GCNT4: variants seen among roughly 807,000 people sequenced by gnomAD.
GCNT4 encodes the protein glucosaminyl (N-acetyl) transferase 4.
GCNT4 carries 17 observed loss-of-function variants against 31.3 expected under a neutral mutation model. The ratio of observed to expected loss-of-function variants is 0.54; its 90% confidence interval spans 0.37 to 0.81. The LOEUF (loss-of-function observed/expected upper bound fraction) is 0.81, where lower values mean the gene tolerates loss of function less well. GCNT4 is among the 40% of genes least tolerant of loss of function. The pLI is 0.00. For synonymous variants in GCNT4, 158 were observed against 190.6 expected (o/e 0.83, Z 1.41); for missense variants, 503 against 525.5 (o/e 0.96, Z 0.42).
rs1743009223 is a variant in GCNT4 at position 75,029,210 on chromosome 5, A to G, written c.828T>C (p.Tyr276=). Reference sequence around the variant, plus strand: ...TCCTTATTGGTAGCTTCACATATTCATAAGGCACCCGTCTAAGTTCATGAT... The same window carrying G: ...TCCTTATTGGTAGCTTCACATATTCGTAAGGCACCCGTCTAAGTTCATGAT... The part of the protein sequence containing the change: ...TYHHELRRVP[Y]EYVKLPIRTN... The change falls in exon 4 of 4, where the codon TAT becomes TAC. Residue 276 remains tyrosine, a synonymous_variant. Transcript: ENST00000652361. 1.9e-6 allele frequency: 3 copies of G among 1,614,046 alleles called. No individual in the cohort carries two copies. In the Admixed American group the frequency reaches 5.0e-5, roughly 27 times the overall value.
At chr5:75,035,766 C>T (rs1389621605) in intron 3 of GCNT4, among the ~76,000 whole-genome samples, 1 of 152,194 alleles carries the variant, frequency 6.6e-6, no homozygotes, top group Non-Finnish European at 1.5e-5. Flanking sequence ...GCCATCTTTG[C>T]TGTTTTGCAA....
At chr5:75,035,705 C>G (rs188556693) in intron 3 of GCNT4, among the ~76,000 whole-genome samples, 225 of 152,324 alleles carry the variant, frequency 1.5e-3, no homozygotes, top group African/African-American at 5.1e-3. Flanking sequence ...TTCTGACTGA[C>G]AGAGGTTTCA....
At chr5:75,032,872 G>GGTGGGTGGGTGGGTGT (rs55942109) in intron 3 of GCNT4, among the ~76,000 whole-genome samples, 1 of 130,646 alleles carries the variant, frequency 7.7e-6, no homozygotes, top group Non-Finnish European at 1.7e-5. Flanking sequence ...CCCAAATAGG[G>GGTGGGTGGGTGGGTGT]GTGTGTGTGT....
chr5:75,046,261 T>C (rs1743435711), intron 3 of GCNT4, among the ~76,000 whole-genome samples: 1 of 152,194 alleles, frequency 6.6e-6, no homozygotes, highest in Non-Finnish European at 1.5e-5. Context: ...AGAAGGAACC[T>C]GGTAGAAGGT....
chr5:75,034,370 C>T (rs900736403), intron 3 of GCNT4, among the ~76,000 whole-genome samples: 2 of 152,222 alleles, frequency 1.3e-5, no homozygotes, highest in Non-Finnish European at 2.9e-5. Context: ...GTAGAGGCCC[C>T]GGGCCTGGAG....
Position 75,029,654 on chromosome 5 carries a change from C to T in GCNT4, c.384G>A (p.Glu128=), listed in dbSNP as rs1261871371. The change falls in exon 4 of 4, where the codon GAG becomes GAA. Residue 128 remains glutamate, a synonymous_variant. Coordinates refer to ENST00000652361, the MANE Select transcript of GCNT4 (RefSeq NM_001366737.1). The stretch of plus-strand genomic sequence containing the variant: ...AAGAATAGGCTATTGGGAAGCTTTT[C>T]TCCTCCTTTGAGACAAGCTTTTGAG... ...GYAQKLVSKE[E]KSFPIAYSLV... The T allele has an allele frequency of 6.2e-7, 1 of 1,614,100 alleles. No homozygotes were observed. Among genetic ancestry groups the T allele is most frequent in the South Asian group, 1.1e-5 (1 of 91,070 alleles).
intron 3 of GCNT4, among the ~76,000 whole-genome samples, chr5:75,035,777 C>T (rs1743184663): frequency 1.3e-5 from 2 of 152,190 alleles, no homozygotes; most frequent in African/African-American, 2.4e-5. Flanking sequence ...TGTTTTGCAA[C>T]TTGACTGTTG....
In GCNT4 at chr5:75,029,167, C is replaced by T. The variant is rs1278844422; in HGVS notation, c.871G>A (p.Ala291Thr). Residue 291 changes from alanine (A) to threonine (T), a missense_variant, in exon 4 of 4, where the codon GCA (alanine) becomes ACA (threonine). Physicochemically the swap from Ala to Thr is moderately conservative, Grantham distance 58. Transcript: ENST00000652361. Reference sequence around the variant, plus strand: ...AATATCTGAATGTTATGGGGGGGTGCTTCCTTGGAGATGTTTGTCCTTATT... The same window carrying T: ...AATATCTGAATGTTATGGGGGGGTGTTTCCTTGGAGATGTTTGTCCTTATT... Reference protein sequence around the residue: ...LPIRTNISKEAPPHNIQIFVG... With the variant: ...LPIRTNISKETPPHNIQIFVG... 4 of 1,613,898 alleles carry T rather than the reference C, an allele frequency of 2.5e-6. No homozygotes were observed. Among genetic ancestry groups the T allele is most frequent in the East Asian group, 4.5e-5 (2 of 44,882 alleles).
At chr5:75,022,916 G>A (rs1033444193), downstream of GCNT4, among the ~76,000 whole-genome samples, 1 of 152,160 alleles carries the variant, frequency 6.6e-6, no homozygotes, top group Non-Finnish European at 1.5e-5. Context: ...AAGAGAGATG[G>A]GGAGAAGGCA....
At chr5:75,033,195 T>C (rs528031634) in intron 3 of GCNT4, among the ~76,000 whole-genome samples, 5 of 152,366 alleles carry the variant, frequency 3.3e-5, no homozygotes, top group East Asian at 1.9e-4. Flanking sequence ...GCCAGCTCCC[T>C]GCCTTGTCAC....
intron 3 of GCNT4, among the ~76,000 whole-genome samples, chr5:75,038,279 C>T (rs373105981): frequency 6.6e-6 from 1 of 152,240 alleles, no homozygotes; most frequent in East Asian, 1.9e-4. Flanking sequence ...AGGTCTTCTC[C>T]ACCAATCCTT....
At position 75,026,647 on chromosome 5, in the gene GCNT4, C is replaced by CAAAAAAA. The variant is rs547466422; in HGVS notation, c.*2022_*2028dup. 111 of 65,780 alleles carry CAAAAAAA rather than the reference C, an allele frequency of 1.7e-3. 8 individuals are homozygous for CAAAAAAA. Among genetic ancestry groups the CAAAAAAA allele is most frequent in the African/African-American group, 5.0e-3 (96 of 19,168 alleles). 4.1% of individuals were successfully genotyped at this position (65,780 alleles called of 1,614,324 possible). A position where few individuals can be genotyped will look rare whatever the true frequency, so the allele number is the denominator to read the frequency against. On this transcript the variant is annotated 3_prime_UTR_variant, in exon 4 of 4. Transcript: ENST00000652361. ...CATATACTATTTCAATCGATTCTCA[C>CAAAAAAA]AAAAAAAAAAAAAAAAAAAAAAAAA...
At chr5:75,041,499 A>G (rs543876530) in intron 3 of GCNT4, among the ~76,000 whole-genome samples, 1 of 152,358 alleles carries the variant, frequency 6.6e-6, no homozygotes, top group East Asian at 1.9e-4. Context: ...TGAGCATGAA[A>G]ATAATTCTAT....
downstream of GCNT4, among the ~76,000 whole-genome samples, chr5:75,025,097 A>C (rs2149944706): frequency 6.6e-6 from 1 of 152,346 alleles, no homozygotes; most frequent in Non-Finnish European, 1.5e-5. Context: ...TATCTTATTA[A>C]TCTTACAGGA....
chr5:75,020,753 A>T (rs776789925), downstream of GCNT4, among the ~76,000 whole-genome samples: 1 of 152,196 alleles, frequency 6.6e-6, no homozygotes, highest in Non-Finnish European at 1.5e-5. Context: ...CTGACCTACA[A>T]AAACAGCAGT....
intron 3 of GCNT4, among the ~76,000 whole-genome samples, chr5:75,042,727 G>A (rs78018952): frequency 0.06 from 9,179 of 152,244 alleles, 284 homozygotes; most frequent in Middle Eastern, 0.11. Flanking sequence ...TTCTTCCAAT[G>A]TGGTGGGGAG....
At chr5:75,038,876 G>A (rs912349792) in intron 3 of GCNT4, among the ~76,000 whole-genome samples, 1 of 152,156 alleles carries the variant, frequency 6.6e-6, no homozygotes, top group African/African-American at 2.4e-5. Context: ...TTGGACAGAG[G>A]AGGGATGCCC....
chr5:75,038,633 TGGCAAAGGGCAGACG>T (rs1347836715), intron 3 of GCNT4, among the ~76,000 whole-genome samples: 2 of 152,214 alleles, frequency 1.3e-5, no homozygotes, highest in African/African-American at 2.4e-5. Flanking sequence ...TGTTCTCACA[TGGCAAAGGGCAGACG>T]GGCAAAGGGG....
At chr5:75,038,091 A>G (rs1475332350) in intron 3 of GCNT4, among the ~76,000 whole-genome samples, 2 of 151,756 alleles carry the variant, frequency 1.3e-5, no homozygotes, top group Non-Finnish European at 2.9e-5. Flanking sequence ...GCTTTGCTTT[A>G]TAACAGTCTC....
Sources: allele counts gnomAD v4.1 joint callset (sites outside exome capture counted in the v4.1 genomes callset), GRCh38; gene constraint gnomAD v4.1.1; transcripts MANE v1.5; gene names NCBI Gene and HGNC (gene_info 2026-07-23, HGNC 2026-07-21).